Variants in DLGAP2 observed in about 807,000 individuals in gnomAD.
The protein encoded by DLGAP2 is disks large-associated protein 2.
In DLGAP2, 26 loss-of-function variants were observed where a neutral mutation model predicts 100.3. The observed-to-expected ratio is 0.26, with a 90% CI of 0.19 to 0.36. The LOEUF (loss-of-function observed/expected upper bound fraction) is 0.36, where lower values mean the gene tolerates loss of function less well. DLGAP2 is among the 10% of genes least tolerant of loss of function. The probability of loss-of-function intolerance (pLI) is 1.00; values close to 1 mark genes in which losing one functional copy is unlikely to be tolerated. For missense variants in DLGAP2, 1,858 were observed against 1,453.2 expected, an observed-to-expected ratio of 1.28 and a Z score of -4.53; for synonymous variants, 886 against 630.1, an observed-to-expected ratio of 1.41 and a Z score of -6.08.
At chr8:1,216,014 G>C (rs1214816683) in intron 2 of DLGAP2, among the ~76,000 whole-genome samples, 1 of 152,180 alleles carries the variant, frequency 6.6e-6, no homozygotes, top group Admixed American at 6.5e-5. Context: ...GAGACGTCTA[G>C]GCTCATGCAG....
At chr8:1,194,501 G>C (rs115448038) in intron 2 of DLGAP2, among the ~76,000 whole-genome samples, 3,748 of 152,214 alleles carry the variant, frequency 0.025, 195 homozygotes, top group African/African-American at 0.086. Flanking sequence ...GTCATCCCCA[G>C]GGGTCCCTCT....
intron 2 of DLGAP2, among the ~76,000 whole-genome samples, chr8:1,098,650 A>G (rs10110019): frequency 0.17 from 8,548 of 51,162 alleles, 2,034 homozygotes; most frequent in African/African-American, 0.27. Context: ...CCGCCCACGG[A>G]CGCCGCCACC....
At chr8:1,197,884 G>A (rs1797787377) in intron 2 of DLGAP2, among the ~76,000 whole-genome samples, 1 of 152,204 alleles carries the variant, frequency 6.6e-6, no homozygotes. Context: ...CCCCTGCAGT[G>A]TTTCCTCTCA....
intron 6 of DLGAP2, among the ~76,000 whole-genome samples, chr8:1,623,953 T>G (rs932296148): frequency 6.6e-6 from 1 of 152,240 alleles, no homozygotes; most frequent in Non-Finnish European, 1.5e-5. Flanking sequence ...TGAGAGAATA[T>G]GTATTTGAAA....
intron 3 of DLGAP2, among the ~76,000 whole-genome samples, chr8:1,335,809 A>G (rs933348311): frequency 6.6e-6 from 1 of 152,262 alleles, no homozygotes; most frequent in Non-Finnish European, 1.5e-5. Flanking sequence ...GTGGTGCAAT[A>G]AAACAAGTTT....
chr8:847,312 T>A (rs1797088978), intron 1 of DLGAP2, among the ~76,000 whole-genome samples: 1 of 152,238 alleles, frequency 6.6e-6, no homozygotes, highest in African/African-American at 2.4e-5. Context: ...GCACTGTTTT[T>A]ACTTATGTTT....
chr8:986,399 C>T (rs572404655), intron 2 of DLGAP2, among the ~76,000 whole-genome samples: 1 of 152,186 alleles, frequency 6.6e-6, no homozygotes, highest in African/African-American at 2.4e-5. Flanking sequence ...ATTCATGTGC[C>T]AGGGTGGTTG....
At chr8:1,373,079 T>A (rs1414358871) in intron 3 of DLGAP2, among the ~76,000 whole-genome samples, 1 of 152,144 alleles carries the variant, frequency 6.6e-6, no homozygotes, top group Admixed American at 6.5e-5. Flanking sequence ...GAGGCTTCGC[T>A]GGTGAGTGAT....
intron 1 of DLGAP2, among the ~76,000 whole-genome samples, chr8:785,561 G>T (rs55647732): frequency 7.4e-6 from 1 of 134,640 alleles, no homozygotes; most frequent in African/African-American, 2.9e-5. Context: ...CTCTGAGACC[G>T]GCCTCCCTCC....
At chr8:1,193,005 T>A (rs181737590) in intron 2 of DLGAP2, among the ~76,000 whole-genome samples, 1 of 152,136 alleles carries the variant, frequency 6.6e-6, no homozygotes, top group Non-Finnish European at 1.5e-5. Context: ...CATGAACTTA[T>A]CAATTTTTAT....
chr8:845,273 G>A (rs576582907), intron 1 of DLGAP2, among the ~76,000 whole-genome samples: 3 of 152,226 alleles, frequency 2.0e-5, no homozygotes, highest in South Asian at 4.1e-4. Flanking sequence ...CGTATAGGAG[G>A]GTTCTGATTT....
chr8:1,161,186 C>T (rs182027305), intron 2 of DLGAP2, among the ~76,000 whole-genome samples: 8 of 152,228 alleles, frequency 5.3e-5, no homozygotes, highest in African/African-American at 1.7e-4. Flanking sequence ...GTAAACACAT[C>T]GATGTATCCT....
intron 6 of DLGAP2, among the ~76,000 whole-genome samples, chr8:1,568,659 C>T (rs1419160280): frequency 7.5e-6 from 1 of 132,826 alleles, no homozygotes; most frequent in African/African-American, 2.9e-5. Flanking sequence ...CCCCATGCCA[C>T]TGTCCACTCA....
intron 6 of DLGAP2, among the ~76,000 whole-genome samples, chr8:1,624,366 C>G (rs1249928933): frequency 6.6e-6 from 1 of 151,970 alleles, no homozygotes; most frequent in East Asian, 1.9e-4. Context: ...AGTCAGGGCT[C>G]TTGGCATCCA....
chr8:990,344 CT>C (rs1369758954), intron 2 of DLGAP2, among the ~76,000 whole-genome samples: 41 of 137,212 alleles, frequency 3.0e-4, no homozygotes, highest in Admixed American at 5.8e-4. Context: ...AGTTCCTGTT[CT>C]TCTCTCCCTC....
At chr8:1,414,180 CTT>C (rs1175136095) in intron 3 of DLGAP2, among the ~76,000 whole-genome samples, 18 of 152,212 alleles carry the variant, frequency 1.2e-4, no homozygotes, top group African/African-American at 4.1e-4. Flanking sequence ...GAGAAACTGA[CTT>C]ATATTCGTAA....
intron 2 of DLGAP2, among the ~76,000 whole-genome samples, chr8:1,101,755 T>G (rs1242227101): frequency 2.0e-5 from 2 of 97,898 alleles, no homozygotes; most frequent in African/African-American, 4.3e-5. Context: ...TCGTCACCCC[T>G]GAGCCGAACA....
chr8:1,469,550 C>T (rs1397758031), intron 3 of DLGAP2, among the ~76,000 whole-genome samples: 3 of 152,192 alleles, frequency 2.0e-5, no homozygotes, highest in Non-Finnish European at 2.9e-5. Flanking sequence ...CCTGCTCCTT[C>T]GCTGCCTTAC....
intron 2 of DLGAP2, among the ~76,000 whole-genome samples, chr8:1,230,883 A>G (rs903498756): frequency 3.9e-5 from 6 of 152,208 alleles, no homozygotes; most frequent in Non-Finnish European, 8.8e-5. Flanking sequence ...TTTAAATGTA[A>G]GACCTCAAAC....
Sources: gnomAD v4.1 joint callset for allele counts (sites outside exome capture counted in the v4.1 genomes callset) on GRCh38, gnomAD v4.1.1 for gene constraint, MANE v1.5 for transcripts, NCBI Gene and HGNC (gene_info 2026-07-23, HGNC 2026-07-21) for gene names.